Variants in ENO1 observed in about 807,000 individuals in gnomAD.
ENO1 encodes the protein alpha-enolase.
A neutral mutation model predicts 46.3 loss-of-function variants in ENO1; 33 were observed. That is an observed-to-expected ratio of 0.71 (90% CI 0.54 to 0.95). The LOEUF (loss-of-function observed/expected upper bound fraction) is 0.95. Among genes scored for constraint, ENO1 ranks in the 40% least tolerant of loss-of-function variants. The pLI is 0.00. For synonymous variants in ENO1, 220 were observed against 216.0 expected, an observed-to-expected ratio of 1.02 and a Z score of -0.16; for missense variants, 488 against 553.3, an observed-to-expected ratio of 0.88 and a Z score of 1.18.
chr1:8,875,609 T>C (rs1490868623), intron 1 of ENO1, among the ~76,000 whole-genome samples: 1 of 152,208 alleles, frequency 6.6e-6, no homozygotes, highest in African/African-American at 2.4e-5. Context: ...TTCTTCAGAT[T>C]AATATTCACT....
intron 2 of ENO1, among the ~76,000 whole-genome samples, chr1:8,874,143 A>C (rs185747987): frequency 6.6e-6 from 1 of 152,236 alleles, no homozygotes; most frequent in African/African-American, 2.4e-5. Context: ...ATCCTATCAC[A>C]CTGTATCCTG....
chr1:8,863,780 G>C, intron 9 of ENO1, 111 bp downstream of exon 9: 1 of 1,229,710 alleles, frequency 8.1e-7, no homozygotes, highest in Non-Finnish European at 1.2e-6. Flanking sequence ...TAAAATTCCA[G>C]CGAGTCCTAC....
At position 8,866,671 on chromosome 1, in the gene ENO1, C is replaced by T. The variant is rs1569903437; in HGVS notation, c.445-170G>A. The T allele has an allele frequency of 8.9e-6, 6 of 674,906 alleles. No homozygotes were observed. In the East Asian group the frequency reaches 1.4e-4, roughly 15 times the overall value. The allele number at this position is 674,906 out of a possible 1,614,324, so 41.8% of individuals were successfully genotyped here. On this transcript the variant is annotated intron_variant, in intron 6 of 11. Transcript: ENST00000234590. ...TGTGAAATGCTCACCAGGTCTCTGA[C>T]TCATGTTTTTAGAGACAGGGTTTCA...
chr1:8,866,462 T>C lies in ENO1; in HGVS notation c.484A>G (p.Lys162Glu). The change falls in exon 7 of 12, where the codon AAG (lysine) becomes GAG (glutamate). Residue 162 changes from lysine (K) to glutamate (E), a missense_variant. Lys to Glu is a moderately conservative substitution (Grantham distance 56). Transcript: ENST00000234590. ...ATCATGAACTCCTGCATGGCCAGCT[T>C]GTTGCCAGCATGAGAACCGCCATTG... The part of the protein sequence containing the change: ...VINGGSHAGN[K>E]LAMQEFMILP... 1 of 1,614,222 alleles carries C rather than the reference T, an allele frequency of 6.2e-7. No individual in the cohort carries two copies. The highest frequency in any genetic ancestry group is 8.5e-7 in the Non-Finnish European group (1 of 1,180,040).
rs28931275 is a variant in ENO1 at position 8,871,995 on chromosome 1, G to C, written c.86-9C>G. ...AGCAGCTCTGAAGAGACCTGGATGA[G>C]AGGAAAAAAGATGTAGTAGCAATTC... On this transcript the variant is annotated splice_polypyrimidine_tract_variant and intron_variant, in intron 2 of 11. Coordinates refer to ENST00000234590, the MANE Select transcript of ENO1 (RefSeq NM_001428.5). 8,780 of 1,611,918 alleles carry C rather than the reference G, an allele frequency of 5.4e-3. 129 individuals carry two copies. The highest frequency in any genetic ancestry group is 0.037 in the South Asian group (3,380 of 90,976).
intron 1 of ENO1, among the ~76,000 whole-genome samples, chr1:8,877,244 G>A (rs890647595): frequency 6.6e-6 from 1 of 151,962 alleles, no homozygotes; most frequent in Non-Finnish European, 1.5e-5. Flanking sequence ...GAGCCACCGC[G>A]CCTGGTCGAT....
At chr1:8,863,137 G>A in intron 10 of ENO1, 98 bp downstream of exon 10, 1 of 1,443,618 alleles carries the variant, frequency 6.9e-7, no homozygotes, top group Admixed American at 2.0e-5. Context: ...TGACTCAGGG[G>A]ACATGAGCAA....
At chr1:8,876,603 G>T (rs1642737356) in intron 1 of ENO1, among the ~76,000 whole-genome samples, 2 of 152,190 alleles carry the variant, frequency 1.3e-5, no homozygotes, top group Admixed American at 6.5e-5. Flanking sequence ...GACTTAAGAC[G>T]AAAGAAAGTC....
At chr1:8,864,208 G>A in intron 8 of ENO1, 116 bp from the exon 9 acceptor site, 1 of 1,131,710 alleles carries the variant, frequency 8.8e-7, no homozygotes, top group Non-Finnish European at 1.3e-6. Flanking sequence ...ATGCCCAAAA[G>A]CATAGGATGG....
At position 8,861,201 on chromosome 1, in the gene ENO1, T is replaced by A; in HGVS notation, c.*159A>T. 1 of 670,586 alleles carries A rather than the reference T, an allele frequency of 1.5e-6. No homozygotes were observed. Among genetic ancestry groups the A allele is most frequent in the Non-Finnish European group, 2.5e-6 (1 of 402,144 alleles). 41.5% of individuals were successfully genotyped at this position (670,586 alleles called of 1,614,324 possible). The stretch of plus-strand genomic sequence containing the variant: ...AGGGCTCCAGGGAGCTTGGCTTCTG[T>A]AGAAGTTCTAAGGAAGCGGTACGAA... On this transcript the variant is annotated 3_prime_UTR_variant, in exon 12 of 12. Transcript: ENST00000234590.
chr1:8,877,891 A>C (rs367681022), intron 1 of ENO1: 3 of 142,256 alleles, frequency 2.1e-5, no homozygotes, highest in African/African-American at 5.1e-5. Flanking sequence ...AAAAAAAAAA[A>C]CCAAATCAGA....
intron 2 of ENO1, 64 bp from the exon 3 acceptor site, chr1:8,872,050 C>T (rs774967496): frequency 2.9e-6 from 4 of 1,371,928 alleles, no homozygotes; most frequent in Non-Finnish European, 4.2e-6. Context: ...AATCCCAAGT[C>T]CCCTCCCGCC....
intron 11 of ENO1, among the ~76,000 whole-genome samples, chr1:8,861,993 A>C (rs1030260738): frequency 2.6e-5 from 4 of 151,964 alleles, no homozygotes; most frequent in African/African-American, 9.7e-5. Flanking sequence ...TAAAAATACA[A>C]AACAATTAGC....
At chr1:8,875,067 G>A (rs985423120) in intron 1 of ENO1, 150 bp from the exon 2 acceptor site, 14 of 610,832 alleles carry the variant, frequency 2.3e-5, no homozygotes, top group Non-Finnish European at 3.9e-5. Flanking sequence ...AGGGTGGGGG[G>A]AAAAGCCTGC....
In ENO1 at chr1:8,863,937, G is replaced by T. The variant is rs1367111879; in HGVS notation, c.1021C>A (p.Leu341Met). The change falls in exon 9 of 12, where the codon CTG becomes ATG. Residue 341 changes from leucine (L) to methionine (M), a missense_variant. Coordinates refer to ENST00000234590, the MANE Select transcript of ENO1 (RefSeq NM_001428.5). The stretch of plus-strand genomic sequence containing the variant: ...GAGCCAATCTGGTTGACTTTGAGCA[G>T]GAGGCAGTTGCAGGACTTCTCGTTC... ...AVNEKSCNCL[L>M]LKVNQIGSVT... 6.2e-7 allele frequency: 1 copy of T among 1,614,056 alleles called. No individual in the cohort carries two copies. The highest frequency in any genetic ancestry group is 8.5e-7 in the Non-Finnish European group (1 of 1,180,008).
chr1:8,876,950 C>T (rs949452701), intron 1 of ENO1, among the ~76,000 whole-genome samples: 22 of 151,276 alleles, frequency 1.5e-4, no homozygotes, highest in Non-Finnish European at 2.8e-4. Context: ...CTCAGCCTCC[C>T]GAGTAGGTGG....
chr1:8,877,900 G>T (rs1049287957), intron 1 of ENO1: 1 of 151,202 alleles, frequency 6.6e-6, no homozygotes, highest in Admixed American at 6.6e-5. Flanking sequence ...AACCAAATCA[G>T]ATCAGGCCCG....
intron 1 of ENO1, among the ~76,000 whole-genome samples, chr1:8,876,784 A>C (rs1364995119): frequency 6.6e-6 from 1 of 151,034 alleles, no homozygotes; most frequent in East Asian, 1.9e-4. Flanking sequence ...GGCGACAGAG[A>C]GACTCCGTCT....
chr1:8,870,000 C>T (rs1642597588), intron 4 of ENO1, among the ~76,000 whole-genome samples: 1 of 152,230 alleles, frequency 6.6e-6, no homozygotes, highest in African/African-American at 2.4e-5. Flanking sequence ...AGCCCTACTT[C>T]ACCTCCAGCA....
Sources: gnomAD v4.1 joint callset for allele counts (sites outside exome capture counted in the v4.1 genomes callset) on GRCh38, gnomAD v4.1.1 for gene constraint, MANE v1.5 for transcripts, NCBI Gene and HGNC (gene_info 2026-07-23, HGNC 2026-07-21) for gene names.